The following CAPZB variants were observed in gnomAD, a reference collection of about 807,000 sequenced individuals.
CAPZB encodes capping actin protein of muscle Z-line subunit beta.
Under a neutral mutation model 38.1 loss-of-function variants are expected in CAPZB, and 2 were observed. The observed-to-expected ratio is 0.05, with a 90% CI of 0.02 to 0.17. CAPZB has a LOEUF of 0.17. Ranked by LOEUF, CAPZB falls within the 10% of genes least tolerant of loss-of-function variation. CAPZB has a pLI of 1.00. For missense variants in CAPZB, 161 were observed against 334.2 expected, an observed-to-expected ratio of 0.48 and a Z score of 4.04; for synonymous variants, 107 against 127.4, an observed-to-expected ratio of 0.84 and a Z score of 1.08.
intron 1 of CAPZB, among the ~76,000 whole-genome samples, chr1:19,441,267 T>C (rs1403777570): frequency 6.6e-6 from 1 of 152,146 alleles, no homozygotes; most frequent in Non-Finnish European, 1.5e-5. Flanking sequence ...AGTCAGAGGA[T>C]GGGGACAGGT....
intron 1 of CAPZB, among the ~76,000 whole-genome samples, chr1:19,426,242 T>A (rs1480581759): frequency 5.9e-5 from 9 of 152,250 alleles, no homozygotes; most frequent in Non-Finnish European, 1.3e-4. Flanking sequence ...AGGTAAGGCA[T>A]CTGTGCCACA....
At chr1:19,368,500 A>G (rs927217459) in intron 4 of CAPZB, among the ~76,000 whole-genome samples, 1 of 149,876 alleles carries the variant, frequency 6.7e-6, no homozygotes, top group Admixed American at 6.6e-5. Context: ...TCTTGGAAAA[A>G]AAAAAAAAAA....
intron 6 of CAPZB, among the ~76,000 whole-genome samples, chr1:19,346,699 A>G (rs2093962810): frequency 6.6e-6 from 1 of 151,506 alleles, no homozygotes; most frequent in South Asian, 2.1e-4. Flanking sequence ...GAGCGGGGTG[A>G]GCAGAGGGCA....
rs778198683 is a variant in CAPZB at position 19,345,136 on chromosome 1, TGTCACTGCTGTGG to T, written c.654+38_654+50del. 1.1e-5 allele frequency: 16 copies of T among 1,395,936 alleles called. No homozygotes were observed. The African/African-American group carries it at 2.1e-4, about 19-fold the overall frequency. 86.5% of individuals were successfully genotyped at this position (1,395,936 alleles called of 1,614,324 possible). A position where few individuals can be genotyped will look rare whatever the true frequency, so the allele number is the denominator to read the frequency against. On this transcript the variant is annotated intron_variant, in intron 7 of 8. Coordinates refer to ENST00000264202, the MANE Select transcript of CAPZB (RefSeq NM_004930.5). ...CAGCACAGCGGCTCCGGGGCTGCAG[TGTCACTGCTGTGG>T]GTCACTGCAGGAGCCAGCCAGAGCC...
At chr1:19,411,924 G>A (rs1225994767) in intron 2 of CAPZB, among the ~76,000 whole-genome samples, 7 of 152,136 alleles carry the variant, frequency 4.6e-5, no homozygotes, top group South Asian at 4.1e-4. Context: ...ATGAAGGGCC[G>A]CCATCCTCCG....
intron 6 of CAPZB, among the ~76,000 whole-genome samples, chr1:19,351,728 C>A (rs1473927587): frequency 6.6e-6 from 1 of 152,184 alleles, no homozygotes; most frequent in Non-Finnish European, 1.5e-5. Context: ...TTTATGAGAT[C>A]TCTCTGCTGG....
Position 19,461,086 on chromosome 1 carries a change from TGGGCGGGGGCGGGGGGGGGAG to T in CAPZB, c.3+24329_3+24349del, listed in dbSNP as rs2094550055. 2.1e-4 allele frequency among the ~76,000 whole-genome samples: 4 copies of T among 18,606 alleles called. No homozygotes were observed. The Admixed American group carries it at 2.4e-3, about 11-fold the overall frequency. The allele number at this position is 18,606 out of a possible 152,430, so 12.2% of individuals were successfully genotyped here. On this transcript the variant is annotated intron_variant, in intron 1 of 8. Transcript: ENST00000264202. Reference sequence around the variant, plus strand: ...AGAGCAGCTGTCTCTTATTCACCCCTGGGCGGGGGCGGGGGGGGGAGGGGCGGGTTCCAGCACAGCACGTGG... The same window carrying T: ...AGAGCAGCTGTCTCTTATTCACCCCTGGGCGGGTTCCAGCACAGCACGTGG...
rs1043092488 is a variant in CAPZB, at chr1:19,449,262, A to C, written c.4-29512T>G. 2.9e-5 allele frequency: 31 copies of C among 1,069,522 alleles called. No individual in the cohort carries two copies. In the African/African-American group the frequency reaches 4.7e-4, roughly 16 times the overall value. 66.3% of individuals were successfully genotyped at this position (1,069,522 alleles called of 1,614,324 possible). The stretch of plus-strand genomic sequence containing the variant: ...ACAAAGTGGGGTCTTGACACTTGAA[A>C]ATTCCGATGACAGCCAGAAGAGGAA... On this transcript the variant is annotated intron_variant, in intron 1 of 8. Transcript: ENST00000264202.
chr1:19,348,535 C>G (rs1258965499), intron 6 of CAPZB, among the ~76,000 whole-genome samples: 5 of 152,020 alleles, frequency 3.3e-5, no homozygotes, highest in African/African-American at 1.2e-4. Context: ...AGGGGAGACA[C>G]AAGAGATTCT....
intron 8 of CAPZB, 69 bp from the exon 9 acceptor site, chr1:19,339,686 CA>C (rs1460407334): frequency 8.3e-7 from 1 of 1,207,488 alleles, no homozygotes; most frequent in African/African-American, 1.5e-5. Context: ...GCCTGGGGGC[CA>C]CCATGCCAGT....
chr1:19,427,698 T>C (rs770370445), intron 1 of CAPZB, among the ~76,000 whole-genome samples: 1 of 152,212 alleles, frequency 6.6e-6, no homozygotes, highest in Non-Finnish European at 1.5e-5. Flanking sequence ...ACAATAGCTG[T>C]GCAGGAGGGA....
At chr1:19,344,222 T>C (rs925350905) in intron 8 of CAPZB, 136 bp downstream of exon 8, 6 of 683,520 alleles carry the variant, frequency 8.8e-6, no homozygotes, top group South Asian at 3.4e-5. Context: ...ATCAACATAA[T>C]GATCATCCCA....
At position 19,366,283 on chromosome 1, in the gene CAPZB, A is replaced by AATAAATATATATATATATATATATAT. The variant is rs71008151; in HGVS notation, c.330-8721_330-8720insATATATATATATATATATATATTTAT. On this transcript the variant is annotated intron_variant, in intron 4 of 8. Transcript: ENST00000264202. Reference sequence around the variant, plus strand: ...GCAACATAGTGAGACCGTGTCTTAAAATATATATATATATATATATATATA... The same window carrying AATAAATATATATATATATATATATAT: ...GCAACATAGTGAGACCGTGTCTTAAAATAAATATATATATATATATATATATATATATATATATATATATATATATA... Among the ~76,000 whole-genome samples the AATAAATATATATATATATATATATAT allele has an allele frequency of 2.0e-3, 120 of 60,460 alleles. 3 individuals are homozygous for AATAAATATATATATATATATATATAT. The highest frequency in any genetic ancestry group is 7.2e-3 in the Middle Eastern group (1 of 138). The allele number at this position is 60,460 out of a possible 152,430, so 39.7% of individuals were successfully genotyped here.
intron 2 of CAPZB, among the ~76,000 whole-genome samples, chr1:19,411,573 C>T (rs2094357022): frequency 6.6e-6 from 1 of 152,234 alleles, no homozygotes; most frequent in Admixed American, 6.5e-5. Flanking sequence ...CCCTACTAAT[C>T]TCTTTGGTTC....
chr1:19,457,347 G>A (rs956622478), intron 1 of CAPZB, among the ~76,000 whole-genome samples: 5 of 152,138 alleles, frequency 3.3e-5, no homozygotes, highest in Admixed American at 6.5e-5. Context: ...CGCAGTGCTC[G>A]CTTCCGGGCT....
chr1:19,456,077 A>C (rs966568721), intron 1 of CAPZB, among the ~76,000 whole-genome samples: 1 of 152,088 alleles, frequency 6.6e-6, no homozygotes, highest in African/African-American at 2.4e-5. Flanking sequence ...ATGTCTGGCT[A>C]ATTTTTGCAT....
At chr1:19,406,877 G>A (rs894895556) in intron 2 of CAPZB, among the ~76,000 whole-genome samples, 2 of 152,308 alleles carry the variant, frequency 1.3e-5, no homozygotes, top group African/African-American at 4.8e-5. Context: ...TACTATGCTA[G>A]AAGCTTTACA....
intron 2 of CAPZB, among the ~76,000 whole-genome samples, chr1:19,411,251 A>G (rs184271577): frequency 2.1e-3 from 315 of 152,310 alleles, no homozygotes; most frequent in African/African-American, 4.5e-3. Context: ...CATGTAATTG[A>G]AAAGTATTTT....
At chr1:19,415,971 C>G (rs1331886750) in intron 2 of CAPZB, among the ~76,000 whole-genome samples, 1 of 152,198 alleles carries the variant, frequency 6.6e-6, no homozygotes, top group Non-Finnish European at 1.5e-5. Context: ...TTTCCCCAAC[C>G]CACTCTGGAC....
Sources: allele counts gnomAD v4.1 joint callset (sites outside exome capture counted in the v4.1 genomes callset), GRCh38; gene constraint gnomAD v4.1.1; transcripts MANE v1.5; gene names NCBI Gene and HGNC (gene_info 2026-07-23, HGNC 2026-07-21).